Variants in GTF2B observed in about 807,000 individuals in gnomAD.
The protein encoded by GTF2B is transcription initiation factor IIB.
In GTF2B, 20 loss-of-function variants were observed where a neutral mutation model predicts 34.6. The observed-to-expected ratio is 0.58, with a 90% CI of 0.41 to 0.84. GTF2B has a LOEUF of 0.84. GTF2B is among the 40% of genes least tolerant of loss of function. The probability of loss-of-function intolerance (pLI) is 0.00; values close to 1 mark genes in which losing one functional copy is unlikely to be tolerated. For synonymous variants in GTF2B, 142 were observed against 132.4 expected (o/e 1.07, Z -0.50); for missense variants, 237 against 393.3 (o/e 0.60, Z 3.36).
intron 6 of GTF2B, among the ~76,000 whole-genome samples, chr1:88,855,655 C>A (rs1334973609): frequency 6.6e-6 from 1 of 151,846 alleles, no homozygotes; most frequent in Non-Finnish European, 1.5e-5. Flanking sequence ...GACCTGCCAC[C>A]AACTTTTCTT....
intron 2 of GTF2B, among the ~76,000 whole-genome samples, chr1:88,868,804 C>T (rs1185884481): frequency 6.6e-6 from 1 of 151,872 alleles, no homozygotes; most frequent in East Asian, 1.9e-4. Flanking sequence ...GGCTCAATCT[C>T]GGCTCACTGC....
chr1:88,869,193 G>A (rs1033911542), intron 2 of GTF2B, among the ~76,000 whole-genome samples: 3 of 152,080 alleles, frequency 2.0e-5, no homozygotes, highest in Admixed American at 6.5e-5. Context: ...TTTACACTAC[G>A]TAAGTAATCT....
chr1:88,856,291 C>CAAAAAAAAAA (rs1162915523), intron 6 of GTF2B, among the ~76,000 whole-genome samples: 3 of 86,144 alleles, frequency 3.5e-5, no homozygotes, highest in Middle Eastern at 8.1e-3. Context: ...AAAAAAAAAA[C>CAAAAAAAAAA]AAAAAAAAAA....
At chr1:88,877,037 G>C (rs925416561) in intron 2 of GTF2B, among the ~76,000 whole-genome samples, 2 of 152,154 alleles carry the variant, frequency 1.3e-5, no homozygotes, top group Non-Finnish European at 2.9e-5. Flanking sequence ...AAATCCAAAA[G>C]AATGTGGTAA....
chr1:88,868,911 T>C (rs536292668), intron 2 of GTF2B, among the ~76,000 whole-genome samples: 1 of 152,222 alleles, frequency 6.6e-6, no homozygotes, highest in African/African-American at 2.4e-5. Flanking sequence ...AATTTTTTTG[T>C]ACTTTTTTTA....
At chr1:88,889,503 C>T (rs1436942084) in intron 1 of GTF2B, among the ~76,000 whole-genome samples, 1 of 152,202 alleles carries the variant, frequency 6.6e-6, no homozygotes, top group African/African-American at 2.4e-5. Context: ...TTGTGTTATA[C>T]ATTTATTATT....
intron 3 of GTF2B, among the ~76,000 whole-genome samples, chr1:88,862,604 T>C (rs922255472): frequency 1.3e-5 from 2 of 151,996 alleles, no homozygotes; most frequent in Non-Finnish European, 2.9e-5. Context: ...TCCCAGCACT[T>C]TGGGTGCCTG....
At chr1:88,860,383 T>C (rs973631123) in intron 3 of GTF2B, 97 bp from the exon 4 acceptor site, 12 of 825,162 alleles carry the variant, frequency 1.5e-5, no homozygotes, top group Admixed American at 9.2e-5. Flanking sequence ...TGATTCTACA[T>C]AGACCAGAAA....
chr1:88,870,898 T>C (rs1194087786), intron 2 of GTF2B, among the ~76,000 whole-genome samples: 1 of 110,486 alleles, frequency 9.1e-6, no homozygotes, highest in Non-Finnish European at 1.7e-5. Context: ...TACACAGTCT[T>C]TTTTTTTTTT....
Position 88,857,299 on chromosome 1 carries a change from G to A in GTF2B, c.724C>T (p.Leu242=), listed in dbSNP as rs2794318. Residue 242 remains leucine, a synonymous_variant, in exon 6 of 7, where the codon CTG becomes TTG. Transcript: ENST00000370500. ...GGGCTCCTCCCAGGAACCAAGTCCA[G>A]TTCCACAGCTTTACGGGCTATATGT... ...ATHIARKAVE[L]DLVPGRSPIS... The A allele has an allele frequency of 1, 1,609,515 of 1,613,902 alleles. 802,665 individuals are homozygous for A. The highest frequency in any genetic ancestry group is 1 in the East Asian group (44,884 of 44,884).
chr1:88,884,174 C>T (rs1425388168), intron 2 of GTF2B, among the ~76,000 whole-genome samples: 5 of 151,998 alleles, frequency 3.3e-5, no homozygotes, highest in African/African-American at 1.2e-4. Flanking sequence ...ATTACAGATG[C>T]CCACCACCAC....
At position 88,891,479 on chromosome 1, in the gene GTF2B, T is replaced by A. The variant is rs1367909926; in HGVS notation, c.17+4A>T. The A allele has an allele frequency of 1.9e-6, 3 of 1,602,844 alleles. No homozygotes were observed. The Admixed American group carries it at 5.1e-5, about 27-fold the overall frequency. On this transcript the variant is annotated splice_donor_region_variant and intron_variant, in intron 1 of 6. Transcript: ENST00000370500. ...GCTCGCCGGGCTCGGCGGGACATAC[T>A]AACCGGCTGGTAGACGCCATCTTCA...
At chr1:88,864,294 A>G (rs1039561938) in intron 2 of GTF2B, among the ~76,000 whole-genome samples, 180 bp from the exon 3 acceptor site, 1 of 152,186 alleles carries the variant, frequency 6.6e-6, no homozygotes, top group African/African-American at 2.4e-5. Context: ...TATTGTGCCA[A>G]TCTAACAATA....
At chr1:88,884,558 T>C (rs1242369571) in intron 2 of GTF2B, among the ~76,000 whole-genome samples, 5 of 152,238 alleles carry the variant, frequency 3.3e-5, no homozygotes, top group African/African-American at 1.2e-4. Context: ...AAATATGAAT[T>C]AACCTATCAT....
At chr1:88,863,376 CT>C (rs1250111527) in intron 3 of GTF2B, among the ~76,000 whole-genome samples, 1 of 152,026 alleles carries the variant, frequency 6.6e-6, no homozygotes, top group Non-Finnish European at 1.5e-5. Context: ...CAGAGTCTCA[CT>C]CTGTTGCCCA....
chr1:88,881,707 T>G (rs1387504866), intron 2 of GTF2B, among the ~76,000 whole-genome samples: 1 of 152,224 alleles, frequency 6.6e-6, no homozygotes, highest in Non-Finnish European at 1.5e-5. Context: ...GTTAGAAGAA[T>G]CAGTATCAAA....
rs577495852 is a variant in GTF2B, at chr1:88,862,077, G to A, written c.259-1791C>T. On this transcript the variant is annotated intron_variant, in intron 3 of 6. Transcript: ENST00000370500. ...CTTAACCTTTAAATGGAAAAGACTAGCGAAGAAAATGCTGAAAAAGAGCAA... is the reference window on the plus strand; with the variant it reads ...CTTAACCTTTAAATGGAAAAGACTAACGAAGAAAATGCTGAAAAAGAGCAA... Among the ~76,000 whole-genome samples the A allele has an allele frequency of 1.3e-3, 193 of 152,196 alleles. 1 individual carries two copies. The highest frequency in any genetic ancestry group is 4.4e-3 in the African/African-American group (184 of 41,512).
intron 2 of GTF2B, among the ~76,000 whole-genome samples, chr1:88,865,969 T>A (rs573062815): frequency 3.3e-5 from 5 of 152,300 alleles, no homozygotes; most frequent in African/African-American, 9.6e-5. Context: ...ACGGAAGGAA[T>A]TCCACCTAGA....
chr1:88,859,170 C>A (rs1243793196), intron 5 of GTF2B, among the ~76,000 whole-genome samples: 1 of 152,050 alleles, frequency 6.6e-6, no homozygotes, highest in Non-Finnish European at 1.5e-5. Flanking sequence ...CTGGCCTTCA[C>A]TGATACTTTC....
Sources: allele counts gnomAD v4.1 joint callset (sites outside exome capture counted in the v4.1 genomes callset), GRCh38; gene constraint gnomAD v4.1.1; transcripts MANE v1.5; gene names NCBI Gene and HGNC (gene_info 2026-07-23, HGNC 2026-07-21).